Variants in DOCK4 observed in about 807,000 individuals in gnomAD.
DOCK4 encodes dedicator of cytokinesis 4, also known as dedicator of cytokinesis protein 4.
A neutral mutation model predicts 268.1 loss-of-function variants in DOCK4; 97 were observed. The ratio of observed to expected loss-of-function variants is 0.36; its 90% CI spans 0.31 to 0.43. The LOEUF is 0.43. DOCK4 is among the 20% of genes least tolerant of loss of function. DOCK4 has a pLI of 1.00. For missense variants in DOCK4, 2,145 were observed against 2,455.7 expected (o/e 0.87, Z 2.67); for synonymous variants, 954 against 887.2 (o/e 1.08, Z -1.34).
chr7:111,841,818 G>A (rs940348033), intron 25 of DOCK4, among the ~76,000 whole-genome samples: 2 of 152,092 alleles, frequency 1.3e-5, no homozygotes, highest in Admixed American at 6.6e-5. Context: ...CTGAAGTCTC[G>A]TAATTGGCAT....
chr7:111,898,973 C>T (rs976471486), intron 15 of DOCK4, among the ~76,000 whole-genome samples: 23 of 152,146 alleles, frequency 1.5e-4, no homozygotes, highest in Admixed American at 1.2e-3. Context: ...TACCTTAAAG[C>T]TCAGACCTCA....
At chr7:111,946,376 C>T (rs906784138) in intron 8 of DOCK4, among the ~76,000 whole-genome samples, 3 of 152,050 alleles carry the variant, frequency 2.0e-5, no homozygotes, top group Admixed American at 6.6e-5. Context: ...ACAGTGCCAC[C>T]GGGAGCTGCG....
chr7:111,910,285 T>G (rs1447181764), intron 13 of DOCK4, among the ~76,000 whole-genome samples: 1 of 152,212 alleles, frequency 6.6e-6, no homozygotes, highest in Non-Finnish European at 1.5e-5. Flanking sequence ...GAATGTCTGA[T>G]GGATGGAAAC....
At chr7:112,090,841 G>A (rs1423913031) in intron 1 of DOCK4, among the ~76,000 whole-genome samples, 3 of 152,064 alleles carry the variant, frequency 2.0e-5, no homozygotes. Context: ...TCATTTTATG[G>A]GTAAATCAAT....
intron 47 of DOCK4, chr7:111,740,187 C>T: frequency 2.6e-6 from 1 of 387,014 alleles, no homozygotes; most frequent in African/African-American, 2.1e-5. Context: ...GCAACCTCCT[C>T]CTCCCAGGTT....
At chr7:111,916,010 T>A in intron 12 of DOCK4, 106 bp from the exon 13 acceptor site, 2 of 1,220,772 alleles carry the variant, frequency 1.6e-6, no homozygotes, top group African/African-American at 1.5e-5. Flanking sequence ...GGTTTTAAAC[T>A]AAGGGTTAAT....
At chr7:111,780,829 A>C (rs1280849741) in intron 35 of DOCK4, among the ~76,000 whole-genome samples, 2 of 152,240 alleles carry the variant, frequency 1.3e-5, no homozygotes, top group African/African-American at 4.8e-5. Flanking sequence ...GAGGCTAAAA[A>C]GATTAGCTTC....
At position 111,868,044 on chromosome 7, in the gene DOCK4, C is replaced by T; in HGVS notation, c.2220G>A (p.Met740Ile). Residue 740 changes from methionine to isoleucine, a missense_variant, in exon 22 of 53, where the codon ATG (methionine) becomes ATA (isoleucine). Physicochemically the swap from Met to Ile is conservative, Grantham distance 10. Transcript: ENST00000428084. The part of the protein sequence containing the change: ...EFRCCIQELL[M>I]SVRFFLSQES... ...CTTGCGAAAGAAAGAAACGGACTGA[C>T]ATGAGAAGCTCCTGAATGCAGCAGC... The T allele has an allele frequency of 6.2e-7, 1 of 1,613,390 alleles. No individual in the cohort carries two copies. Among genetic ancestry groups the T allele is most frequent in the Non-Finnish European group, 8.5e-7 (1 of 1,179,618 alleles).
intron 1 of DOCK4, among the ~76,000 whole-genome samples, chr7:112,150,954 C>A (rs1816000745): frequency 6.6e-6 from 1 of 152,166 alleles, no homozygotes; most frequent in Non-Finnish European, 1.5e-5. Context: ...TTGTTTAAGC[C>A]ACAAGGATCT....
intron 30 of DOCK4, among the ~76,000 whole-genome samples, chr7:111,799,093 G>T (rs1027391515): frequency 2.0e-5 from 3 of 152,118 alleles, no homozygotes; most frequent in African/African-American, 7.2e-5. Context: ...TTCTAATCTA[G>T]GAAGGCTCCA....
chr7:111,751,685 T>C (rs1328514552), intron 42 of DOCK4, among the ~76,000 whole-genome samples: 1 of 152,214 alleles, frequency 6.6e-6, no homozygotes, highest in Non-Finnish European at 1.5e-5. Flanking sequence ...CCTCAAGTGA[T>C]CTGCCTGCCC....
chr7:111,753,380 T>C (rs751425226), intron 42 of DOCK4, among the ~76,000 whole-genome samples: 28 of 151,920 alleles, frequency 1.8e-4, no homozygotes, highest in Non-Finnish European at 3.5e-4. Context: ...GAGGCTGAGG[T>C]GGGAGGATCA....
At chr7:112,134,837 C>T (rs1457511154) in intron 1 of DOCK4, among the ~76,000 whole-genome samples, 1 of 152,108 alleles carries the variant, frequency 6.6e-6, no homozygotes, top group African/African-American at 2.4e-5. Context: ...ATGCATTATC[C>T]TATTTAATAA....
At chr7:111,730,635 TA>T (rs113207446) in intron 52 of DOCK4, among the ~76,000 whole-genome samples, 7 of 147,432 alleles carry the variant, frequency 4.7e-5, no homozygotes, top group Admixed American at 1.4e-4. Flanking sequence ...CTGGCTGGGG[TA>T]AAAAAAAAAC....
intron 36 of DOCK4, among the ~76,000 whole-genome samples, chr7:111,775,012 A>G (rs563815345): frequency 6.6e-6 from 1 of 152,250 alleles, no homozygotes; most frequent in Non-Finnish European, 1.5e-5. Context: ...CTCTGCTGAC[A>G]GTTCAGAGGC....
At chr7:111,881,358 C>A (rs1236525219) in intron 16 of DOCK4, among the ~76,000 whole-genome samples, 3 of 152,092 alleles carry the variant, frequency 2.0e-5, no homozygotes, top group Non-Finnish European at 4.4e-5. Flanking sequence ...AAATGCAAAT[C>A]AAAACTACAA....
In DOCK4 at chr7:112,126,245, T is replaced by A. The variant is rs377549769; in HGVS notation, c.37+79857A>T. Among the ~76,000 whole-genome samples, 11 of 152,252 alleles carry A rather than the reference T, an allele frequency of 7.2e-5. 1 individual carries two copies. The highest frequency in any genetic ancestry group is 5.8e-4 in the East Asian group (3 of 5,206). On this transcript the variant is annotated intron_variant, in intron 1 of 52. Coordinates refer to ENST00000428084, the MANE Select transcript of DOCK4 (RefSeq NM_001363540.2). ...TCTTCAAGGACAGAGGCTCTCTGGG[T>A]GCATACCATAATCAAGAATCATGCT...
chr7:111,813,444 A>C (rs933927105), intron 27 of DOCK4, among the ~76,000 whole-genome samples: 1 of 152,164 alleles, frequency 6.6e-6, no homozygotes, highest in Non-Finnish European at 1.5e-5. Context: ...AATATTAACA[A>C]GGGTAATTAA....
At chr7:111,760,781 T>C (rs2188796) in intron 39 of DOCK4, among the ~76,000 whole-genome samples, 43 of 143,434 alleles carry the variant, frequency 3.0e-4, no homozygotes, top group African/African-American at 1.1e-3. Context: ...TGTGTGTGTG[T>C]GTATTCTGCC....
Sources: allele counts gnomAD v4.1 joint callset (sites outside exome capture counted in the v4.1 genomes callset), GRCh38; gene constraint gnomAD v4.1.1; transcripts MANE v1.5; gene names NCBI Gene and HGNC (gene_info 2026-07-23, HGNC 2026-07-21).